The following KCNQ1OT1 variants were observed in gnomAD, a reference collection of about 807,000 sequenced individuals.
The protein encoded by KCNQ1OT1 is KCNQ1 antisense RNA 2 (non-protein coding).
In KCNQ1OT1 at chr11:2,687,087, T is replaced by C. The variant is rs1590032490; in HGVS notation, n.12908A>G. On this transcript the variant is annotated non_coding_transcript_exon_variant, in exon 1 of 1. Coordinates refer to ENST00000597346, the Ensembl canonical transcript of KCNQ1OT1. This position sits in a 1 kb window ranked among gnomAD's most constrained non-coding sequence, Gnocchi z 5.0. ...ACAAAGTGATGCAAGATATCCTGAGTTGGGTGTGACAAGTACACCTTGACA... is the reference window on the plus strand; with the variant it reads ...ACAAAGTGATGCAAGATATCCTGAGCTGGGTGTGACAAGTACACCTTGACA... 1.0e-5 allele frequency: 4 copies of C among 398,576 alleles called. No homozygotes were observed. The East Asian group carries it at 1.4e-4, about 14-fold the overall frequency. The allele number at this position is 398,576 out of a possible 1,614,324, so 24.7% of individuals were successfully genotyped here. A position where few individuals can be genotyped will look rare whatever the true frequency, so the allele number is the denominator to read the frequency against.
exon 1 of KCNQ1OT1, chr11:2,630,917 G>T (rs1217447115): frequency 2.5e-6 from 1 of 398,338 alleles, no homozygotes. Context: ...TTGTTTCCTG[G>T]CCTGGAAAGT....
At chr11:2,622,965 A>G in exon 1 of KCNQ1OT1, 2 of 398,598 alleles carry the variant, frequency 5.0e-6, no homozygotes, top group Non-Finnish European at 8.8e-6. Context: ...TAACATGTTG[A>G]TATGGTTTGG....
exon 1 of KCNQ1OT1, chr11:2,694,894 A>G: frequency 2.5e-6 from 1 of 398,668 alleles, no homozygotes; most frequent in Non-Finnish European, 4.4e-6. Flanking sequence ...TTGTCAAGGG[A>G]AGATCACCAG....
At chr11:2,644,030 C>T in exon 1 of KCNQ1OT1, 1 of 398,438 alleles carries the variant, frequency 2.5e-6, no homozygotes, top group Non-Finnish European at 4.4e-6. Flanking sequence ...TTTTATGATT[C>T]TCTCTTTGTC....
At chr11:2,615,408 T>C (rs1439514402) in exon 1 of KCNQ1OT1, 1 of 397,934 alleles carries the variant, frequency 2.5e-6, no homozygotes, top group Non-Finnish European at 4.4e-6. Context: ...TTTATCTGCC[T>C]AATTGTCATG....
At position 2,679,940 on chromosome 11, in the gene KCNQ1OT1, C is replaced by T. The variant is rs532384217; in HGVS notation, n.20055G>A. 3.6e-4 allele frequency: 143 copies of T among 397,122 alleles called. No homozygotes were observed. Among genetic ancestry groups the T allele is most frequent in the African/African-American group, 2.4e-3 (118 of 48,530 alleles). The allele number at this position is 397,122 out of a possible 1,614,324, so 24.6% of individuals were successfully genotyped here. On this transcript the variant is annotated non_coding_transcript_exon_variant, in exon 1 of 1. Transcript: ENST00000597346. The surrounding 1 kb of genome is among the most constrained non-coding windows in gnomAD (Gnocchi z 4.8). Reference sequence around the variant, plus strand: ...GCAGAGTCTCACTTTGTCACCTAGGCGGGAATGCAGTGGCACAGTCTCGGC... The same window carrying T: ...GCAGAGTCTCACTTTGTCACCTAGGTGGGAATGCAGTGGCACAGTCTCGGC...
Position 2,687,838 on chromosome 11 carries a change from ACT to A in KCNQ1OT1, n.12155_12156del. On this transcript the variant is annotated non_coding_transcript_exon_variant, in exon 1 of 1. Coordinates refer to ENST00000597346, the Ensembl canonical transcript of KCNQ1OT1. This position sits in a 1 kb window ranked among gnomAD's most constrained non-coding sequence, Gnocchi z 5.0. ...TCTGCCCCAACTGGCTCCAGGCCAA[ACT>A]CTGGTTCCTGAGGAGCCTCAAAGGC... 1 of 398,628 alleles carries A rather than the reference ACT, an allele frequency of 2.5e-6. No individual in the cohort carries two copies. Among genetic ancestry groups the A allele is most frequent in the South Asian group, 1.3e-4 (1 of 7,858 alleles). The allele number at this position is 398,628 out of a possible 1,614,324, so 24.7% of individuals were successfully genotyped here. A position where few individuals can be genotyped will look rare whatever the true frequency, so the allele number is the denominator to read the frequency against.
Position 2,657,305 on chromosome 11 carries a change from G to A in KCNQ1OT1, n.42690C>T. 1 of 398,588 alleles carries A rather than the reference G, an allele frequency of 2.5e-6. No individual in the cohort carries two copies. Among genetic ancestry groups the A allele is most frequent in the Non-Finnish European group, 4.4e-6 (1 of 226,066 alleles). The allele number at this position is 398,588 out of a possible 1,614,324, so 24.7% of individuals were successfully genotyped here. ...TTGGAGAGATTTATTCAGATTTTGA[G>A]ATAATCTTTTCAGTATTGAGTCTTC... On this transcript the variant is annotated non_coding_transcript_exon_variant, in exon 1 of 1. Transcript: ENST00000597346. This position sits in a 1 kb window ranked among gnomAD's most constrained non-coding sequence, Gnocchi z 4.8.
At chr11:2,675,625 C>T in exon 1 of KCNQ1OT1, 1 of 398,626 alleles carries the variant, frequency 2.5e-6, no homozygotes, top group South Asian at 1.3e-4. Context: ...GAGAGCACCC[C>T]TTATTAGAGG....
exon 1 of KCNQ1OT1, chr11:2,665,894 C>T (rs1204786164): frequency 2.5e-6 from 1 of 398,702 alleles, no homozygotes; most frequent in Non-Finnish European, 4.4e-6. Context: ...GCAGGTGTGG[C>T]CTGGGTGAGC....
exon 1 of KCNQ1OT1, chr11:2,632,665 T>C (rs1849380055): frequency 5.0e-6 from 2 of 398,284 alleles, no homozygotes; most frequent in Non-Finnish European, 8.9e-6. Flanking sequence ...CTCTGTTTTG[T>C]GAGCAGTCAA....
exon 1 of KCNQ1OT1, chr11:2,655,217 C>T (rs1464170050): frequency 5.0e-6 from 2 of 398,598 alleles, no homozygotes. Context: ...CTGGGGTAGT[C>T]GCCACGCCCG....
exon 1 of KCNQ1OT1, chr11:2,631,426 G>T (rs182416404): frequency 2.0e-3 from 733 of 373,642 alleles, no homozygotes; most frequent in Non-Finnish European, 3.5e-4. Flanking sequence ...CAAAATGTTT[G>T]TTTTTTTTTT....
Position 2,682,351 on chromosome 11 carries a change from C to T in KCNQ1OT1, n.17644G>A, listed in dbSNP as rs1025264059. ...GTGTTTATTTGTGGTAAAGGGTTTA[C>T]TGGCTGGCTCCTTCTATCACATTCA... is the stretch of plus-strand genomic sequence containing the variant. On this transcript the variant is annotated non_coding_transcript_exon_variant, in exon 1 of 1. Coordinates refer to ENST00000597346, the Ensembl canonical transcript of KCNQ1OT1. The surrounding 1 kb of genome is among the most constrained non-coding windows in gnomAD (Gnocchi z 5.8). 16 of 398,524 alleles carry T rather than the reference C, an allele frequency of 4.0e-5. 1 individual carries two copies. Among genetic ancestry groups the T allele is most frequent in the Non-Finnish European group, 6.6e-5 (15 of 226,096 alleles). 24.7% of individuals were successfully genotyped at this position (398,524 alleles called of 1,614,324 possible).
chr11:2,662,619 C>T (rs1590015686), exon 1 of KCNQ1OT1: 1 of 412,902 alleles, frequency 2.4e-6, no homozygotes, highest in Non-Finnish European at 4.3e-6. Flanking sequence ...CATGGCCAGG[C>T]CAATCCCCGG....
exon 1 of KCNQ1OT1, chr11:2,665,187 C>G (rs1447235476): frequency 2.5e-6 from 1 of 398,566 alleles, no homozygotes; most frequent in Non-Finnish European, 4.4e-6. Context: ...GACTCAGCCT[C>G]GAACACACCT....
exon 1 of KCNQ1OT1, chr11:2,631,935 C>A (rs765547568): frequency 3.5e-5 from 14 of 397,080 alleles, no homozygotes; most frequent in Non-Finnish European, 6.2e-5. Flanking sequence ...GTAATCCCAG[C>A]ACTTTGGGAG....
exon 1 of KCNQ1OT1, chr11:2,632,033 A>G (rs1213110032): frequency 2.5e-6 from 1 of 396,122 alleles, no homozygotes; most frequent in Non-Finnish European, 4.4e-6. Flanking sequence ...ATACAAAAAC[A>G]TTAGCCAGGC....
exon 1 of KCNQ1OT1, chr11:2,632,880 G>A (rs893015255): frequency 1.5e-5 from 6 of 398,302 alleles, no homozygotes; most frequent in African/African-American, 1.2e-4. Context: ...CAATAAACAT[G>A]AGAATGCAAA....
Sources: allele counts gnomAD v4.1 joint callset, GRCh38; gene constraint gnomAD v4.1.1; non-coding constraint Gnocchi (gnomAD v3.1); transcripts MANE v1.5; gene names NCBI Gene and HGNC (gene_info 2026-07-23, HGNC 2026-07-21).